Variants in SLC2A7 observed in about 807,000 individuals in gnomAD.
SLC2A7 encodes solute carrier family 2, facilitated glucose transporter member 7.
SLC2A7 carries 50 observed loss-of-function variants against 50.5 expected under a neutral mutation model. The ratio of observed to expected loss-of-function variants is 0.99; its 90% CI spans 0.79 to 1.25. The LOEUF (loss-of-function observed/expected upper bound fraction) is 1.25. Ranked by LOEUF, SLC2A7 falls within the 50% of genes most tolerant of loss-of-function variation. The probability of loss-of-function intolerance (pLI) is 0.00; values close to 1 mark genes in which losing one functional copy is unlikely to be tolerated. For missense variants in SLC2A7, 683 were observed against 679.1 expected (o/e 1.01, Z -0.06); for synonymous variants, 308 against 300.4 (o/e 1.03, Z -0.26).
At chr1:9,002,254 C>G (rs1019069306), downstream of SLC2A7, among the ~76,000 whole-genome samples, 1 of 151,958 alleles carries the variant, frequency 6.6e-6, no homozygotes, top group Non-Finnish European at 1.5e-5. Flanking sequence ...GGGTCTGTGC[C>G]GAGGAGGATT....
chr1:9,011,765 T>C (rs1235777317), intron 8 of SLC2A7, among the ~76,000 whole-genome samples: 3 of 145,272 alleles, frequency 2.1e-5, no homozygotes, highest in African/African-American at 7.7e-5. Context: ...TTTTTTTTTT[T>C]TTTTGGTGGA....
chr1:9,002,461 A>T (rs1640588841), downstream of SLC2A7, among the ~76,000 whole-genome samples: 1 of 152,202 alleles, frequency 6.6e-6, no homozygotes, highest in Admixed American at 6.5e-5. Context: ...ATGTTTGTGT[A>T]AAGTCAAACA....
chr1:9,013,448 C>T, intron 8 of SLC2A7, 77 bp downstream of exon 8: 2 of 1,308,606 alleles, frequency 1.5e-6, no homozygotes, highest in Admixed American at 1.9e-5. Flanking sequence ...ACTCAGTTCA[C>T]TCTGTGGGGC....
intron 2 of SLC2A7, 47 bp downstream of exon 2, chr1:9,024,929 C>T (rs749403375): frequency 1.3e-6 from 2 of 1,593,266 alleles, no homozygotes; most frequent in South Asian, 2.2e-5. Context: ...CACCCACGAC[C>T]CCGGTCAGCT....
chr1:9,004,180 A>G (rs1169721660), intron 11 of SLC2A7, among the ~76,000 whole-genome samples: 2 of 152,050 alleles, frequency 1.3e-5, no homozygotes, highest in Non-Finnish European at 2.9e-5. Flanking sequence ...ACATAAATAA[A>G]TAAATAGCCA....
chr1:9,000,692 A>G (rs1419723454), downstream of SLC2A7, among the ~76,000 whole-genome samples: 1 of 151,560 alleles, frequency 6.6e-6, no homozygotes, highest in South Asian at 2.1e-4. Flanking sequence ...CCCTGCCACT[A>G]TTGTGGGCCG....
chr1:9,018,108 C>T, intron 5 of SLC2A7, 115 bp downstream of exon 5: 1 of 1,434,020 alleles, frequency 7.0e-7, no homozygotes, highest in African/African-American at 1.4e-5. Flanking sequence ...CCACACTGCC[C>T]AACACCTGAC....
chr1:8,997,768 T>C, the SLC2A7 span, among the ~76,000 whole-genome samples: 2 of 152,206 alleles, frequency 1.3e-5, no homozygotes, highest in Non-Finnish European at 2.9e-5. Flanking sequence ...GATATATGAT[T>C]TGCAATTTTT....
intron 9 of SLC2A7, among the ~76,000 whole-genome samples, chr1:9,007,679 A>C (rs532366639): frequency 6.6e-6 from 1 of 151,982 alleles, no homozygotes; most frequent in African/African-American, 2.4e-5. Context: ...ACAAATCACA[A>C]ATATTAACTC....
chr1:9,007,833 G>C (rs1307690260), intron 9 of SLC2A7, among the ~76,000 whole-genome samples: 1 of 151,790 alleles, frequency 6.6e-6, no homozygotes, highest in Non-Finnish European at 1.5e-5. Flanking sequence ...CCGCCTCCCG[G>C]GTTCAAGATT....
intron 9 of SLC2A7, among the ~76,000 whole-genome samples, chr1:9,009,194 G>T (rs1017986469): frequency 1.2e-4 from 18 of 152,204 alleles, no homozygotes; most frequent in African/African-American, 3.9e-4. Context: ...ATGTGCAATT[G>T]CGTTGCTGAT....
chr1:8,993,483 G>C, the SLC2A7 span, among the ~76,000 whole-genome samples: 1 of 152,188 alleles, frequency 6.6e-6, no homozygotes, highest in African/African-American at 2.4e-5. Context: ...TAAAACCTCA[G>C]TGGCACCTCC....
chr1:8,998,947 C>A (rs993864490), downstream of SLC2A7, among the ~76,000 whole-genome samples: 1 of 152,122 alleles, frequency 6.6e-6, no homozygotes, highest in African/African-American at 2.4e-5. Context: ...GTAATTATGG[C>A]TTCATAGAAT....
Position 9,004,738 on chromosome 1 carries a change from G to A in SLC2A7, c.1320+14C>T. 1 of 1,613,550 alleles carries A rather than the reference G, an allele frequency of 6.2e-7. No individual in the cohort carries two copies. ...GGCCCGGTGGAGCGGGTTGGGGAAGGGGCCCTCACTCACCTGGATGGATGG... is the reference window on the plus strand; with the variant it reads ...GGCCCGGTGGAGCGGGTTGGGGAAGAGGCCCTCACTCACCTGGATGGATGG... On this transcript the variant is annotated intron_variant, in intron 11 of 11. Coordinates refer to ENST00000400906, the MANE Select transcript of SLC2A7 (RefSeq NM_207420.3).
At chr1:8,993,730 C>T in the SLC2A7 span, among the ~76,000 whole-genome samples, 3 of 152,188 alleles carry the variant, frequency 2.0e-5, no homozygotes, top group East Asian at 1.9e-4. Flanking sequence ...CAGGTTCAAG[C>T]GATTCGCCTG....
chr1:9,010,323 G>A (rs1640728144), intron 8 of SLC2A7, 79 bp from the exon 9 acceptor site: 1 of 1,163,852 alleles, frequency 8.6e-7, no homozygotes, highest in African/African-American at 1.5e-5. Context: ...ACTTCCTTTT[G>A]TGGGCCCCTC....
chr1:9,000,543 T>C (rs545213922), downstream of SLC2A7, among the ~76,000 whole-genome samples: 6 of 150,916 alleles, frequency 4.0e-5, no homozygotes, highest in South Asian at 1.3e-3. Flanking sequence ...CGCTTGAATC[T>C]GGGAGGCAGA....
chr1:9,002,635 T>C (rs1271870680), downstream of SLC2A7, among the ~76,000 whole-genome samples: 3 of 152,182 alleles, frequency 2.0e-5, no homozygotes, highest in African/African-American at 7.2e-5. Context: ...GATCAATAAA[T>C]ACTGAGGGAA....
chr1:9,008,402 C>T lies in SLC2A7; in HGVS notation c.1117-1017G>A, dbSNP rs1640689881. Among the ~76,000 whole-genome samples, 1 of 152,140 alleles carries T rather than the reference C, an allele frequency of 6.6e-6. No homozygotes were observed. Among genetic ancestry groups the T allele is most frequent in the African/African-American group, 2.4e-5 (1 of 41,438 alleles). The stretch of plus-strand genomic sequence containing the variant: ...GGCTGGCTGGGTTGGTGGGGCCGCC[C>T]TGGACCCGGTGTGAAGCGAGCAGCT... On this transcript the variant is annotated intron_variant, in intron 9 of 11. Transcript: ENST00000400906. The surrounding 1 kb of genome is among the most constrained non-coding windows in gnomAD (Gnocchi z 5.9).
Sources: allele counts gnomAD v4.1 joint callset (sites outside exome capture counted in the v4.1 genomes callset), GRCh38; gene constraint gnomAD v4.1.1; non-coding constraint Gnocchi (gnomAD v3.1); transcripts MANE v1.5; gene names NCBI Gene and HGNC (gene_info 2026-07-23, HGNC 2026-07-21).